The following ANOS1 variants were observed in gnomAD, a reference collection of about 807,000 sequenced individuals.
ANOS1 encodes the protein anosmin-1.
ANOS1 carries 6 observed loss-of-function variants against 59.0 expected under a neutral mutation model. The observed-to-expected ratio is 0.10, with a 90% CI of 0.06 to 0.20. The LOEUF is 0.20. ANOS1 is among the 10% of genes least tolerant of loss of function. ANOS1 has a pLI of 1.00. For missense variants in ANOS1, 433 were observed against 542.3 expected (o/e 0.80, Z 2.00); for synonymous variants, 217 against 223.4 (o/e 0.97, Z 0.25).
At chrX:8,659,437 TCTTC>T (rs1484788405) in intron 2 of ANOS1, among the ~76,000 whole-genome samples, 1 of 108,281 alleles carries the variant, frequency 9.2e-6, no homozygotes, top group Non-Finnish European at 1.9e-5. Flanking sequence ...TTTCTTTCTT[TCTTC>T]CTTCCTTTCC....
chrX:8,699,732 A>G lies in ANOS1; in HGVS notation c.221T>C (p.Leu74Pro). The change falls in exon 2 of 14, where the codon CTG becomes CCG. Residue 74 changes from leucine (L) to proline (P), a missense_variant. Physicochemically the swap from Leu to Pro is moderately conservative, Grantham distance 98 (BLOSUM62 -3). Coordinates refer to ENST00000262648, the MANE Select transcript of ANOS1 (RefSeq NM_000216.4). ...TTGCTTGTGATTCTGGCACCAAACCAGGGAACCATTGTTCTGCAAAAAGAA... is the reference window on the plus strand; with the variant it reads ...TTGCTTGTGATTCTGGCACCAAACCGGGGAACCATTGTTCTGCAAAAAGAA... ...FFQHFQNNGS[L>P]VWCQNHKQCS... is the part of the protein sequence containing the mutation. 3 of 1,198,413 alleles carry G rather than the reference A, an allele frequency of 2.5e-6. No homozygotes were observed. The highest frequency in any genetic ancestry group is 3.4e-6 in the Non-Finnish European group (3 of 885,961).
intron 2 of ANOS1, among the ~76,000 whole-genome samples, chrX:8,642,266 T>G (rs5978930): frequency 2.7e-5 from 3 of 111,313 alleles, no homozygotes; most frequent in African/African-American, 6.6e-5. Flanking sequence ...ATAAAAAGAT[T>G]ACATGCTGTA....
chrX:8,601,201 A>C (rs1162446123), intron 3 of ANOS1, among the ~76,000 whole-genome samples: 10 of 109,163 alleles, frequency 9.2e-5, no homozygotes, highest in African/African-American at 3.3e-4. Context: ...CTCAAAAAAA[A>C]AAAAAAAAAA....
chrX:8,726,538 C>T (rs1262600835), intron 1 of ANOS1, among the ~76,000 whole-genome samples: 2 of 112,007 alleles, frequency 1.8e-5, no homozygotes, highest in Non-Finnish European at 3.8e-5. Context: ...CTCACTTGCC[C>T]ACGGACTACT....
chrX:8,728,170 C>T (rs994308168), intron 1 of ANOS1, among the ~76,000 whole-genome samples: 2 of 112,065 alleles, frequency 1.8e-5, no homozygotes, highest in African/African-American at 6.5e-5. Context: ...AAGCTAGAAG[C>T]CATCCTCACT....
Position 8,668,418 on chromosome X carries a change from T to C in ANOS1, c.255+31280A>G, listed in dbSNP as rs1416287088. On this transcript the variant is annotated intron_variant, in intron 2 of 13. Transcript: ENST00000262648. ...TCATATATATATATATATATATATA[T>C]ATATATATATATACACACACATACA... Among the ~76,000 whole-genome samples the C allele has an allele frequency of 1.2e-3, 90 of 75,061 alleles. 1 individual carries two copies. Among genetic ancestry groups the C allele is most frequent in the African/African-American group, 4.6e-3 (83 of 18,050 alleles). 65.2% of individuals were successfully genotyped at this position (75,061 alleles called of 115,157 possible).
At chrX:8,568,194 GTCACAATC>G in intron 8 of ANOS1, 30 bp downstream of exon 8, 4 of 1,196,680 alleles carry the variant, frequency 3.3e-6, no homozygotes, top group Non-Finnish European at 4.5e-6. Context: ...CGCCCATCAT[GTCACAATC>G]ATCTTGAAAA....
At chrX:8,617,106 T>C (rs1931190481) in intron 3 of ANOS1, among the ~76,000 whole-genome samples, 3 of 112,176 alleles carry the variant, frequency 2.7e-5, no homozygotes, top group Admixed American at 9.5e-5. Context: ...AGCAAAACAT[T>C]GCTAAATGGT....
chrX:8,585,588 C>G (rs1930497856), intron 5 of ANOS1, among the ~76,000 whole-genome samples, 192 bp from the exon 6 acceptor site: 1 of 111,707 alleles, frequency 9.0e-6, no homozygotes, highest in African/African-American at 3.3e-5. Flanking sequence ...GATATTTCAC[C>G]CCAAAGAATT....
intron 4 of ANOS1, 81 bp downstream of exon 4, chrX:8,596,953 T>A (rs1930747569): frequency 1.7e-6 from 2 of 1,192,690 alleles, no homozygotes; most frequent in Non-Finnish European, 2.3e-6. Flanking sequence ...TTTTCACACC[T>A]ATGATGGACA....
chrX:8,671,994 T>C (rs1932263086), intron 2 of ANOS1, among the ~76,000 whole-genome samples: 1 of 111,044 alleles, frequency 9.0e-6, no homozygotes, highest in Non-Finnish European at 1.9e-5. Flanking sequence ...CACCATGTTG[T>C]ACAATAGATT....
chrX:8,585,284 T>C lies in ANOS1; in HGVS notation c.839A>G (p.His280Arg). 8.3e-7 allele frequency: 1 copy of C among 1,210,630 alleles called. No individual in the cohort carries two copies. The highest frequency in any genetic ancestry group is 1.8e-5 in the South Asian group (1 of 56,904). The change falls in exon 6 of 14, where the codon CAC (histidine) becomes CGC (arginine). Residue 280 changes from histidine (H) to arginine (R), a missense_variant. By Grantham distance (29) the His-to-Arg change is conservative. Coordinates refer to ENST00000262648, the MANE Select transcript of ANOS1 (RefSeq NM_000216.4). Reference protein sequence around the residue: ...GTRGFTAPSKHFRSSKDPSAP... With the variant: ...GTRGFTAPSKRFRSSKDPSAP... ...AGACTGACCTTTGGAAGAACGGAAGTGTTTGCTGGGGGCAGTGAAGCCTCG... is the reference window on the plus strand; with the variant it reads ...AGACTGACCTTTGGAAGAACGGAAGCGTTTGCTGGGGGCAGTGAAGCCTCG...
chrX:8,595,186 T>A (rs772828884), intron 4 of ANOS1, among the ~76,000 whole-genome samples: 27 of 111,447 alleles, frequency 2.4e-4, no homozygotes, highest in Middle Eastern at 4.7e-3. Flanking sequence ...AAGCATCCTA[T>A]TTTTATGGTG....
chrX:8,605,732 G>C (rs1410047994), intron 3 of ANOS1, among the ~76,000 whole-genome samples: 1 of 109,547 alleles, frequency 9.1e-6, no homozygotes, highest in Non-Finnish European at 1.9e-5. Context: ...ATAAATCAAA[G>C]GGCAGGTTAT....
Position 8,539,668 on chromosome X carries a change from G to A in ANOS1, c.1445C>T (p.Thr482Ile). 1 of 1,211,591 alleles carries A rather than the reference G, an allele frequency of 8.3e-7. No individual in the cohort carries two copies. The highest frequency in any genetic ancestry group is 1.1e-6 in the Non-Finnish European group (1 of 895,459). ...TTGSEASSGM[T>I]HENYIILQDL... ...GCCTAGAGATCATGTCCTTACGTGG[G>A]TCATGCCAGATGATGCCTCTGATCC... The change falls in exon 10 of 14, where the codon ACC becomes ATC. Residue 482 changes from threonine to isoleucine, a missense_variant. Thr to Ile is a moderately conservative substitution (Grantham distance 89, BLOSUM62 -1). Transcript: ENST00000262648.
intron 3 of ANOS1, among the ~76,000 whole-genome samples, chrX:8,619,428 A>AC (rs1438442230): frequency 2.7e-5 from 3 of 110,682 alleles, no homozygotes; most frequent in Middle Eastern, 9.3e-3. Context: ...ACATGGTGAA[A>AC]CCCCGTCTCT....
intron 1 of ANOS1, among the ~76,000 whole-genome samples, chrX:8,711,938 C>T (rs1308756385): frequency 1.8e-5 from 2 of 112,524 alleles, no homozygotes; most frequent in East Asian, 5.6e-4. Context: ...ATATCAAAAC[C>T]CCACTTGGGA....
At chrX:8,613,208 T>C (rs1368801855) in intron 3 of ANOS1, among the ~76,000 whole-genome samples, 1 of 87,215 alleles carries the variant, frequency 1.1e-5, no homozygotes, top group Non-Finnish European at 2.2e-5. Context: ...CTTTTTCTTG[T>C]TCCTTCTTTT....
intron 2 of ANOS1, among the ~76,000 whole-genome samples, chrX:8,697,760 T>C (rs1243693040): frequency 1.8e-5 from 2 of 112,055 alleles, no homozygotes; most frequent in Non-Finnish European, 3.8e-5. Flanking sequence ...GTTTCTAGAG[T>C]TGTTGGCCTG....
Sources: allele counts gnomAD v4.1 joint callset (sites outside exome capture counted in the v4.1 genomes callset), GRCh38; gene constraint gnomAD v4.1.1; transcripts MANE v1.5; gene names NCBI Gene and HGNC (gene_info 2026-07-23, HGNC 2026-07-21).